The following NME7 variants were observed in gnomAD, a reference collection of about 807,000 sequenced individuals.
NME7 encodes nucleoside diphosphate kinase 7.
Under a neutral mutation model 49.1 loss-of-function variants are expected in NME7, and 41 were observed. The observed-to-expected ratio is 0.83, with a 90% CI of 0.65 to 1.08. The LOEUF (loss-of-function observed/expected upper bound fraction) is 1.08, where lower values mean the gene tolerates loss of function less well. Ranked by LOEUF, NME7 falls within the 50% of genes least tolerant of loss-of-function variation. The pLI is 0.00. For synonymous variants in NME7, 139 were observed against 150.6 expected (o/e 0.92, Z 0.56); for missense variants, 423 against 463.4 (o/e 0.91, Z 0.80).
At chr1:169,324,147 G>A (rs887750050) in intron 2 of NME7, among the ~76,000 whole-genome samples, 3 of 151,728 alleles carry the variant, frequency 2.0e-5, no homozygotes, top group African/African-American at 7.3e-5. Flanking sequence ...GAGGCACCGC[G>A]CCCAGCCCCC....
At chr1:169,143,684 T>C (rs1658673076) in intron 11 of NME7, among the ~76,000 whole-genome samples, 1 of 152,202 alleles carries the variant, frequency 6.6e-6, no homozygotes. Context: ...AAAAGTTCAG[T>C]GAAATGTTCA....
At chr1:169,149,656 T>G (rs1208550247) in intron 11 of NME7, among the ~76,000 whole-genome samples, 1 of 152,250 alleles carries the variant, frequency 6.6e-6, no homozygotes, top group Non-Finnish European at 1.5e-5. Context: ...ACAGTTATGT[T>G]GTGAATGTGG....
At position 169,256,119 on chromosome 1, in the gene NME7, A is replaced by C. The variant is rs1227110235; in HGVS notation, c.755-18432T>G. On this transcript the variant is annotated intron_variant, in intron 7 of 11. Coordinates refer to ENST00000367811, the MANE Select transcript of NME7 (RefSeq NM_013330.5). ...AATCTGAATGTTGGCCTGCCTTGCT[A>C]GATTGGGGAAGTTCTCCTGGATAAT... 8.3e-5 allele frequency among the ~76,000 whole-genome samples: 11 copies of C among 133,278 alleles called. 1 individual carries two copies. Among genetic ancestry groups the C allele is most frequent in the Middle Eastern group, 3.9e-3 (1 of 256 alleles). 87.4% of individuals were successfully genotyped at this position (133,278 alleles called of 152,430 possible).
At chr1:169,277,803 A>G (rs1024286224) in intron 7 of NME7, among the ~76,000 whole-genome samples, 1 of 130,940 alleles carries the variant, frequency 7.6e-6, no homozygotes, top group Non-Finnish European at 1.6e-5. Flanking sequence ...ACATTTTGGC[A>G]TGATTTTGCA....
At chr1:169,183,384 C>G (rs896350054) in intron 10 of NME7, among the ~76,000 whole-genome samples, 2 of 152,190 alleles carry the variant, frequency 1.3e-5, no homozygotes, top group Non-Finnish European at 2.9e-5. Context: ...ATATACACCT[C>G]TATAAGCAAT....
chr1:169,360,131 C>T (rs1258628612), intron 1 of NME7, among the ~76,000 whole-genome samples: 1 of 152,150 alleles, frequency 6.6e-6, no homozygotes, highest in Non-Finnish European at 1.5e-5. Flanking sequence ...GCAAACATAA[C>T]TCCCATGTTG....
At chr1:169,201,389 A>C (rs1660547042) in intron 10 of NME7, among the ~76,000 whole-genome samples, 1 of 152,164 alleles carries the variant, frequency 6.6e-6, no homozygotes, top group Non-Finnish European at 1.5e-5. Flanking sequence ...GACTAGATTT[A>C]CATTTTAAAA....
chr1:169,150,104 CA>C (rs1658867136), intron 11 of NME7, among the ~76,000 whole-genome samples: 1 of 152,112 alleles, frequency 6.6e-6, no homozygotes, highest in Non-Finnish European at 1.5e-5. Flanking sequence ...CACAGGAATT[CA>C]AGGCTGCATT....
At chr1:169,239,508 C>T (rs899398630) in intron 7 of NME7, among the ~76,000 whole-genome samples, 1 of 151,964 alleles carries the variant, frequency 6.6e-6, no homozygotes, top group African/African-American at 2.4e-5. Context: ...GGGAAAGACA[C>T]TGAATTATTT....
intron 10 of NME7, among the ~76,000 whole-genome samples, chr1:169,209,630 CA>C (rs1206105386): frequency 6.6e-6 from 1 of 152,106 alleles, no homozygotes; most frequent in African/African-American, 2.4e-5. Context: ...ATCATAGCCA[CA>C]GAGCTTTTTA....
At chr1:169,301,476 A>G (rs1463881729) in intron 5 of NME7, among the ~76,000 whole-genome samples, 1 of 152,142 alleles carries the variant, frequency 6.6e-6, no homozygotes, top group Non-Finnish European at 1.5e-5. Flanking sequence ...GTTGGTGGGA[A>G]TATTAATTAC....
chr1:169,355,666 C>T (rs1653445701), intron 1 of NME7, among the ~76,000 whole-genome samples: 1 of 151,834 alleles, frequency 6.6e-6, no homozygotes, highest in South Asian at 2.1e-4. Flanking sequence ...CAGGGCTCTC[C>T]ACATCATCAC....
At chr1:169,253,621 G>C (rs537268159) in intron 7 of NME7, among the ~76,000 whole-genome samples, 1 of 152,132 alleles carries the variant, frequency 6.6e-6, no homozygotes, top group African/African-American at 2.4e-5. Flanking sequence ...TGGTGAGAGA[G>C]GGCATCCCTG....
intron 7 of NME7, among the ~76,000 whole-genome samples, chr1:169,258,405 T>TATATATATATATATAC (rs1422519342): frequency 8.7e-5 from 6 of 68,802 alleles, no homozygotes; most frequent in African/African-American, 3.2e-4. Flanking sequence ...TATATATATA[T>TATATATATATATATAC]ACACACACAC....
chr1:169,306,099 A>C (rs1651163412), intron 4 of NME7, among the ~76,000 whole-genome samples: 1 of 152,224 alleles, frequency 6.6e-6, no homozygotes, highest in African/African-American at 2.4e-5. Flanking sequence ...TATTATGTAC[A>C]AGAAAACTGA....
intron 10 of NME7, among the ~76,000 whole-genome samples, chr1:169,189,774 T>C (rs1234141500): frequency 1.3e-5 from 2 of 152,208 alleles, no homozygotes; most frequent in African/African-American, 4.8e-5. Context: ...AGTTGCTTCA[T>C]GTACTGTTTG....
intron 10 of NME7, among the ~76,000 whole-genome samples, chr1:169,221,052 G>A (rs556305777): frequency 3.9e-5 from 6 of 152,098 alleles, no homozygotes; most frequent in South Asian, 2.1e-4. Context: ...TTTCTACTCC[G>A]TAGAACTAAG....
chr1:169,201,582 C>T (rs554873742), intron 10 of NME7, among the ~76,000 whole-genome samples: 2 of 152,194 alleles, frequency 1.3e-5, no homozygotes, highest in Admixed American at 1.3e-4. Context: ...TCTTGAAGGA[C>T]TTGATTGACT....
intron 1 of NME7, among the ~76,000 whole-genome samples, 163 bp downstream of exon 1, chr1:169,367,543 CGG>C (rs1030623706): frequency 5.3e-5 from 8 of 152,084 alleles, no homozygotes; most frequent in African/African-American, 1.9e-4. Context: ...GTAAGAAATA[CGG>C]AGAGCGAGGA....
Sources: gnomAD v4.1 joint callset for allele counts (sites outside exome capture counted in the v4.1 genomes callset) on GRCh38, gnomAD v4.1.1 for gene constraint, MANE v1.5 for transcripts, NCBI Gene and HGNC (gene_info 2026-07-23, HGNC 2026-07-21) for gene names.